The following LIG3 variants were observed in gnomAD, a reference collection of about 807,000 sequenced individuals.
LIG3 encodes DNA ligase 3, also known as ligase II, DNA, ATP-dependent.
LIG3 carries 58 observed loss-of-function variants against 110.9 expected under a neutral mutation model. The ratio of observed to expected loss-of-function variants is 0.52; its 90% CI spans 0.42 to 0.65. The LOEUF is 0.65. Among genes scored for constraint, LIG3 ranks in the 30% least tolerant of loss-of-function variants. LIG3 has a pLI of 0.00. For missense variants in LIG3, 1,094 were observed against 1,273.8 expected, an observed-to-expected ratio of 0.86 and a Z score of 2.15; for synonymous variants, 422 against 472.8, an observed-to-expected ratio of 0.89 and a Z score of 1.39.
In LIG3 at chr17:34,997,837, C is replaced by T. The variant is rs1467687678; in HGVS notation, c.1911+12C>T. The T allele has an allele frequency of 6.2e-7, 1 of 1,603,810 alleles. No homozygotes were observed. Among genetic ancestry groups the T allele is most frequent in the Admixed American group, 1.7e-5 (1 of 60,008 alleles). On this transcript the variant is annotated intron_variant, in intron 12 of 19. Coordinates refer to ENST00000378526, the MANE Select transcript of LIG3 (RefSeq NM_013975.4). ...TGAAGCGAGTCACAGTAAGTGAAGA[C>T]CCTATGCTAGGCAGTGTCCTAGAAG... is the stretch of plus-strand genomic sequence containing the variant.
In LIG3 at chr17:35,001,235, C is replaced by G. The variant is rs3136021; in HGVS notation, c.2332-22C>G. 235 of 1,611,582 alleles carry G rather than the reference C, an allele frequency of 1.5e-4. No individual in the cohort carries two copies. The African/African-American group carries it at 2.6e-3, about 18-fold the overall frequency. ...ATACTATCTTCTTAACCAGTGATGA[C>G]CTGCTGGCTTACTCCTGACAGAAAG... On this transcript the variant is annotated intron_variant, in intron 16 of 19. Coordinates refer to ENST00000378526, the MANE Select transcript of LIG3 (RefSeq NM_013975.4).
In LIG3 at chr17:34,990,930, C is replaced by CT. The variant is rs147844174; in HGVS notation, c.890-32dup. 215 of 1,607,746 alleles carry CT rather than the reference C, an allele frequency of 1.3e-4. 2 individuals are homozygous for CT. The East Asian group carries it at 4.0e-3, about 30-fold the overall frequency. On this transcript the variant is annotated intron_variant, in intron 4 of 19. Coordinates refer to ENST00000378526, the MANE Select transcript of LIG3 (RefSeq NM_013975.4). Reference sequence around the variant, plus strand: ...GTTTATATATTTATTTGTTTAAGCTCTATTTCTCAAGAAGGGTTCCTTCTG... The same window carrying CT: ...GTTTATATATTTATTTGTTTAAGCTCTTATTTCTCAAGAAGGGTTCCTTCTG...
chr17:34,997,902 C>A, intron 12 of LIG3, 77 bp downstream of exon 12: 1 of 1,077,052 alleles, frequency 9.3e-7, no homozygotes, highest in Non-Finnish European at 1.4e-6. Context: ...TCAACTGCGA[C>A]TGGAAGAATA....
intron 13 of LIG3, 65 bp from the exon 14 acceptor site, chr17:34,998,539 A>G (rs537147612): frequency 2.5e-6 from 4 of 1,587,930 alleles, no homozygotes; most frequent in African/African-American, 2.7e-5. Flanking sequence ...GTAGCAGTGA[A>G]GGGGTGAACC....
In LIG3 at chr17:34,980,616, G is replaced by A. The variant is rs1200361988; in HGVS notation, c.-11G>A. 3.9e-6 allele frequency: 5 copies of A among 1,283,940 alleles called. No individual in the cohort carries two copies. Among genetic ancestry groups the A allele is most frequent in the Non-Finnish European group, 5.1e-6 (5 of 986,172 alleles). The allele number at this position is 1,283,940 out of a possible 1,614,324, so 79.5% of individuals were successfully genotyped here. On this transcript the variant is annotated 5_prime_UTR_variant, in exon 1 of 20. Coordinates refer to ENST00000378526, the MANE Select transcript of LIG3 (RefSeq NM_013975.4). ...GCCTACGGTGAGCGCCGGAGCCGGA[G>A]AGGCAGGTGAGGGGCTACGCGGCGC... is the stretch of plus-strand genomic sequence containing the variant.
intron 6 of LIG3, 25 bp downstream of exon 6, chr17:34,991,862 C>T: frequency 6.2e-7 from 1 of 1,613,982 alleles, no homozygotes; most frequent in East Asian, 2.2e-5. Context: ...TCCGTCAAAC[C>T]ATGCCCATAG....
chr17:35,005,144 T>G lies in LIG3; in HGVS notation c.*638T>G, dbSNP rs1414586375. On this transcript the variant is annotated 3_prime_UTR_variant, in exon 20 of 20. Transcript: ENST00000378526. ...TAGGGTCAGGTAGGAAAATGGGGCCTTTATGAAGAAAGGGGAGGTTATTTG... is the reference window on the plus strand; with the variant it reads ...TAGGGTCAGGTAGGAAAATGGGGCCGTTATGAAGAAAGGGGAGGTTATTTG... 10 of 359,196 alleles carry G rather than the reference T, an allele frequency of 2.8e-5. No homozygotes were observed. The highest frequency in any genetic ancestry group is 4.9e-5 in the Non-Finnish European group (9 of 182,080). The allele number at this position is 359,196 out of a possible 1,614,324, so 22.3% of individuals were successfully genotyped here.
chr17:34,996,768 C>T, intron 11 of LIG3, 115 bp downstream of exon 11: 1 of 866,956 alleles, frequency 1.2e-6, no homozygotes, highest in Admixed American at 1.9e-5. Flanking sequence ...CCAGCTGGCA[C>T]ATACGTTTGT....
chr17:34,984,100 G>T (rs1286131431), intron 2 of LIG3, among the ~76,000 whole-genome samples: 2 of 152,124 alleles, frequency 1.3e-5, no homozygotes, highest in Non-Finnish European at 2.9e-5. Context: ...ATCATCTTCA[G>T]AAAATTTGTC....
chr17:34,998,650 A>G lies in LIG3; in HGVS notation c.2036A>G (p.Asp679Gly), dbSNP rs1802880. The G allele has an allele frequency of 1.9e-6, 3 of 1,614,156 alleles. No individual in the cohort carries two copies. The African/African-American group carries it at 4.0e-5, about 22-fold the overall frequency. The change falls in exon 14 of 20, where the codon GAC becomes GGC. Residue 679 changes from aspartate (D) to glycine (G), a missense_variant. Transcript: ENST00000378526. Reference sequence around the variant, plus strand: ...CGGCACTGGCTGAAAGTGAAGAAAGACTATTTGAACGAGGGGGCCATGGCC... The same window carrying G: ...CGGCACTGGCTGAAAGTGAAGAAAGGCTATTTGAACGAGGGGGCCATGGCC... ...GKRHWLKVKKDYLNEGAMADT... is the reference protein window; with the variant it reads ...GKRHWLKVKKGYLNEGAMADT...
intron 3 of LIG3, among the ~76,000 whole-genome samples, chr17:34,987,133 T>C (rs781553281): frequency 2.0e-5 from 3 of 152,236 alleles, no homozygotes; most frequent in South Asian, 2.1e-4. Context: ...TACACACATA[T>C]ATAGTTTCTT....
Position 34,994,316 on chromosome 17 carries a change from G to A in LIG3, c.1496G>A (p.Cys499Tyr). 1 of 1,613,968 alleles carries A rather than the reference G, an allele frequency of 6.2e-7. No homozygotes were observed. The highest frequency in any genetic ancestry group is 8.5e-7 in the Non-Finnish European group (1 of 1,179,978). ...TCCGTTGAGTATGCAATGAAGAAATGTCCCAATGGCATGTTCTCTGAGATC... is the reference window on the plus strand; with the variant it reads ...TCCGTTGAGTATGCAATGAAGAAATATCCCAATGGCATGTTCTCTGAGATC... The part of the protein sequence containing the change: ...CKSVEYAMKK[C>Y]PNGMFSEIKY... The change falls in exon 9 of 20, where the codon TGT (cysteine) becomes TAT (tyrosine). Residue 499 changes from cysteine (C) to tyrosine (Y), a missense_variant. Coordinates refer to ENST00000378526, the MANE Select transcript of LIG3 (RefSeq NM_013975.4).
Position 34,991,760 on chromosome 17 carries a change from G to A in LIG3, c.1131G>A (p.Val377=). Residue 377 remains valine, a synonymous_variant, in exon 6 of 20, where the codon GTG becomes GTA. Transcript: ENST00000378526. ...AAKSLLTIQE[V]DEFLLRLSKL... ...AGAGCCTCCTTACCATCCAGGAAGTGGATGAGTTCCTTCTGCGGCTGTCCA... is the reference window on the plus strand; with the variant it reads ...AGAGCCTCCTTACCATCCAGGAAGTAGATGAGTTCCTTCTGCGGCTGTCCA... 1 of 1,614,094 alleles carries A rather than the reference G, an allele frequency of 6.2e-7. No homozygotes were observed. Among genetic ancestry groups the A allele is most frequent in the Non-Finnish European group, 8.5e-7 (1 of 1,180,004 alleles).
intron 1 of LIG3, among the ~76,000 whole-genome samples, 171 bp from the exon 2 acceptor site, chr17:34,982,831 C>G (rs1389223246): frequency 6.6e-6 from 1 of 152,070 alleles, no homozygotes; most frequent in African/African-American, 2.4e-5. Context: ...GCTGGCTTTT[C>G]CTGTATCAGA....
chr17:34,990,684 G>A (rs567527398), intron 4 of LIG3, among the ~76,000 whole-genome samples: 2 of 152,152 alleles, frequency 1.3e-5, no homozygotes, highest in East Asian at 1.9e-4. Context: ...CTATAGCCTC[G>A]ACCTCCTGAG....
At chr17:34,982,052 A>C (rs1050226538) in intron 1 of LIG3, among the ~76,000 whole-genome samples, 1 of 152,176 alleles carries the variant, frequency 6.6e-6, no homozygotes, top group Non-Finnish European at 1.5e-5. Context: ...CAACTGTTTT[A>C]AGGGTTTTAC....
chr17:34,998,364 C>T, intron 13 of LIG3, 68 bp downstream of exon 13: 3 of 1,419,242 alleles, frequency 2.1e-6, no homozygotes, highest in Non-Finnish European at 2.9e-6. Context: ...CCTTTCCAGC[C>T]CTGACCAGGA....
intron 5 of LIG3, 120 bp downstream of exon 5, chr17:34,991,234 C>T: frequency 1.1e-6 from 1 of 951,420 alleles, no homozygotes; most frequent in Non-Finnish European, 1.6e-6. Context: ...AACTGAAACC[C>T]ATTTGAGCAA....
At chr17:34,998,764 T>C in intron 14 of LIG3, 37 bp downstream of exon 14, 2 of 1,598,948 alleles carry the variant, frequency 1.3e-6, no homozygotes, top group African/African-American at 1.3e-5. Context: ...TGGTACTGTT[T>C]TAGAAGGTAC....
Sources: gnomAD v4.1 joint callset for allele counts (sites outside exome capture counted in the v4.1 genomes callset) on GRCh38, gnomAD v4.1.1 for gene constraint, MANE v1.5 for transcripts, NCBI Gene and HGNC (gene_info 2026-07-23, HGNC 2026-07-21) for gene names.